The following ST6GALNAC3 variants were observed in gnomAD, a reference collection of about 807,000 sequenced individuals.
ST6GALNAC3 encodes ST6 N-acetylgalactosaminide alpha-2,6-sialyltransferase 3.
A neutral mutation model predicts 32.7 loss-of-function variants in ST6GALNAC3; 25 were observed. That is an observed-to-expected ratio of 0.76 (90% CI 0.56 to 1.07). The LOEUF is 1.07. ST6GALNAC3 is among the 50% of genes least tolerant of loss of function. The probability of loss-of-function intolerance (pLI) is 0.00; values close to 1 mark genes in which losing one functional copy is unlikely to be tolerated. For missense variants in ST6GALNAC3, 355 were observed against 382.4 expected, an observed-to-expected ratio of 0.93 and a Z score of 0.60; for synonymous variants, 129 against 133.1, an observed-to-expected ratio of 0.97 and a Z score of 0.21.
chr1:76,116,713 A>G (rs562024473), intron 1 of ST6GALNAC3, among the ~76,000 whole-genome samples: 2 of 152,112 alleles, frequency 1.3e-5, no homozygotes, highest in Non-Finnish European at 2.9e-5. Context: ...GGAGGATTAC[A>G]TGAGACCAGG....
chr1:76,387,855 A>T (rs894265236), intron 2 of ST6GALNAC3, among the ~76,000 whole-genome samples: 6 of 152,086 alleles, frequency 3.9e-5, no homozygotes, highest in Admixed American at 2.0e-4. Flanking sequence ...ATTTCCCCTG[A>T]TAGGCTATTC....
At chr1:76,628,300 TCA>T (rs1307725141) in intron 4 of ST6GALNAC3, among the ~76,000 whole-genome samples, 2 of 151,930 alleles carry the variant, frequency 1.3e-5, no homozygotes, top group African/African-American at 2.4e-5. Flanking sequence ...CTGTGAAAAA[TCA>T]CAGTTTCTTC....
At chr1:76,101,484 A>G (rs1647225116) in intron 1 of ST6GALNAC3, among the ~76,000 whole-genome samples, 1 of 152,200 alleles carries the variant, frequency 6.6e-6, no homozygotes, top group Non-Finnish European at 1.5e-5. Flanking sequence ...CACAGAATAA[A>G]CACCTATATG....
chr1:76,364,317 G>A (rs1650197632), intron 2 of ST6GALNAC3, among the ~76,000 whole-genome samples: 1 of 152,164 alleles, frequency 6.6e-6, no homozygotes, highest in Non-Finnish European at 1.5e-5. Flanking sequence ...GGGAGGCTGA[G>A]GTGGGTGGAT....
intron 2 of ST6GALNAC3, among the ~76,000 whole-genome samples, chr1:76,399,449 C>T (rs1345771153): frequency 1.3e-5 from 2 of 152,164 alleles, no homozygotes; most frequent in African/African-American, 2.4e-5. Flanking sequence ...CTGTTTGGCA[C>T]TTTCATCACA....
At chr1:76,545,344 G>A (rs951330225) in intron 3 of ST6GALNAC3, among the ~76,000 whole-genome samples, 2 of 151,938 alleles carry the variant, frequency 1.3e-5, no homozygotes, top group Non-Finnish European at 2.9e-5. Flanking sequence ...TCATATATAG[G>A]GTCAAAAACA....
At chr1:76,534,494 A>G (rs966209089) in intron 3 of ST6GALNAC3, among the ~76,000 whole-genome samples, 1 of 152,154 alleles carries the variant, frequency 6.6e-6, no homozygotes, top group Non-Finnish European at 1.5e-5. Context: ...GCCTTCATTT[A>G]CTATAAACTA....
chr1:76,479,445 G>A (rs1659581980), intron 3 of ST6GALNAC3, among the ~76,000 whole-genome samples: 1 of 152,166 alleles, frequency 6.6e-6, no homozygotes, highest in Admixed American at 6.5e-5. Context: ...GACTTATGAT[G>A]AACAGAAATA....
At chr1:76,119,436 C>T (rs934582011) in intron 1 of ST6GALNAC3, among the ~76,000 whole-genome samples, 2 of 152,214 alleles carry the variant, frequency 1.3e-5, no homozygotes, top group Middle Eastern at 3.4e-3. Context: ...CATTGAGGGT[C>T]GTATTTAAGA....
Position 76,627,428 on chromosome 1 carries a change from A to C in ST6GALNAC3, c.624-24A>C, listed in dbSNP as rs372644021. On this transcript the variant is annotated intron_variant, in intron 3 of 4. Transcript: ENST00000328299. Reference sequence around the variant, plus strand: ...TGTTCTGTGTTTTGTTCTGTTTGTTATTGTTTGTTTTCATTTCCCTCAGAG... The same window carrying C: ...TGTTCTGTGTTTTGTTCTGTTTGTTCTTGTTTGTTTTCATTTCCCTCAGAG... The C allele has an allele frequency of 8.2e-6, 12 of 1,465,480 alleles. No individual in the cohort carries two copies. The African/African-American group carries it at 1.7e-4, about 21-fold the overall frequency. 90.8% of individuals were successfully genotyped at this position (1,465,480 alleles called of 1,614,324 possible).
At chr1:76,155,644 T>C (rs977935621) in intron 1 of ST6GALNAC3, among the ~76,000 whole-genome samples, 1 of 151,620 alleles carries the variant, frequency 6.6e-6, no homozygotes, top group East Asian at 1.9e-4. Context: ...ATTTTTTTTT[T>C]TTTTTAATAT....
chr1:76,118,582 C>A (rs930561128), intron 1 of ST6GALNAC3, among the ~76,000 whole-genome samples: 1 of 152,132 alleles, frequency 6.6e-6, no homozygotes, highest in Admixed American at 6.5e-5. Context: ...CACTACACTG[C>A]CTATTTCAAG....
intron 1 of ST6GALNAC3, among the ~76,000 whole-genome samples, chr1:76,281,581 CG>C (rs1659499797): frequency 6.6e-6 from 1 of 152,174 alleles, no homozygotes; most frequent in Admixed American, 6.5e-5. Context: ...GGAAGAGTGT[CG>C]GAAAATGAAA....
rs142182078 is a variant in ST6GALNAC3, at chr1:76,370,932, G to C, written c.214-41076G>C. Among the ~76,000 whole-genome samples, 626 of 151,706 alleles carry C rather than the reference G, an allele frequency of 4.1e-3. 4 individuals carry two copies. Among genetic ancestry groups the C allele is most frequent in the Middle Eastern group, 0.027 (8 of 294 alleles). On this transcript the variant is annotated intron_variant, in intron 2 of 4. Transcript: ENST00000328299. ...TAACCATCTTGACCCTTTTTATATT[G>C]CTTCTCTGCTTCATTTTTATCTTTG...
At chr1:76,346,712 G>T (rs888237836) in intron 2 of ST6GALNAC3, among the ~76,000 whole-genome samples, 1 of 152,118 alleles carries the variant, frequency 6.6e-6, no homozygotes, top group East Asian at 1.9e-4. Flanking sequence ...TGAGACCTTG[G>T]CCAAGTTACA....
intron 1 of ST6GALNAC3, among the ~76,000 whole-genome samples, chr1:76,253,286 T>G (rs1657725436): frequency 1.3e-5 from 2 of 152,148 alleles, no homozygotes; most frequent in Non-Finnish European, 2.9e-5. Flanking sequence ...GAACAACTAA[T>G]ATGCTCTGCC....
Position 76,630,323 on chromosome 1 carries a change from C to T in ST6GALNAC3, c.*1517C>T, listed in dbSNP as rs561299520. 65 of 984,942 alleles carry T rather than the reference C, an allele frequency of 6.6e-5. No homozygotes were observed. The African/African-American group carries it at 7.3e-4, about 11-fold the overall frequency. The allele number at this position is 984,942 out of a possible 1,614,324, so 61.0% of individuals were successfully genotyped here. On this transcript the variant is annotated 3_prime_UTR_variant, in exon 5 of 5. Transcript: ENST00000328299. Reference sequence around the variant, plus strand: ...TAGTTTTGAGAAGTTTTTCTATATACGTATATATACACGTGTGGTTCTATT... The same window carrying T: ...TAGTTTTGAGAAGTTTTTCTATATATGTATATATACACGTGTGGTTCTATT...
At chr1:76,319,343 A>G (rs1646924965) in intron 2 of ST6GALNAC3, among the ~76,000 whole-genome samples, 2 of 152,198 alleles carry the variant, frequency 1.3e-5, no homozygotes, top group Non-Finnish European at 2.9e-5. Context: ...TCTTTAAAAA[A>G]TGAGAACGTT....
At chr1:76,341,605 T>TTTTATTTCTTTC in intron 2 of ST6GALNAC3, among the ~76,000 whole-genome samples, 2 of 91,264 alleles carry the variant, frequency 2.2e-5, no homozygotes, top group East Asian at 6.8e-4. Context: ...TCCAAACTGC[T>TTTTATTTCTTTC]TTTCTTTCTT....
Sources: gnomAD v4.1 joint callset for allele counts (sites outside exome capture counted in the v4.1 genomes callset) on GRCh38, gnomAD v4.1.1 for gene constraint, MANE v1.5 for transcripts, NCBI Gene and HGNC (gene_info 2026-07-23, HGNC 2026-07-21) for gene names.